RIMS1: variants seen among roughly 807,000 people sequenced by gnomAD.
The protein encoded by RIMS1 is regulating synaptic membrane exocytosis protein 1.
RIMS1 carries 83 observed loss-of-function variants against 214.1 expected under a neutral mutation model. The ratio of observed to expected loss-of-function variants is 0.39; its 90% CI spans 0.32 to 0.47. The LOEUF (loss-of-function observed/expected upper bound fraction) is 0.47. RIMS1 is among the 20% of genes least tolerant of loss of function. The pLI, the probability that RIMS1 is intolerant of heterozygous loss-of-function variation, is 0.99. For synonymous variants in RIMS1, 793 were observed against 786.8 expected (o/e 1.01, Z -0.13); for missense variants, 2,050 against 2,161.8 (o/e 0.95, Z 1.03).
At chr6:71,956,870 T>A (rs1016747916) in intron 1 of RIMS1, among the ~76,000 whole-genome samples, 1 of 152,128 alleles carries the variant, frequency 6.6e-6, no homozygotes, top group Non-Finnish European at 1.5e-5. Flanking sequence ...CCAGGAGAGC[T>A]AATAATGTGA....
chr6:72,242,662 C>T (rs574200374), intron 10 of RIMS1, among the ~76,000 whole-genome samples: 1 of 151,494 alleles, frequency 6.6e-6, no homozygotes, highest in African/African-American at 2.4e-5. Context: ...ATTGTAATAT[C>T]AAAAAATATC....
intron 4 of RIMS1, among the ~76,000 whole-genome samples, chr6:72,138,005 A>G (rs920244307): frequency 1.8e-4 from 27 of 151,920 alleles, no homozygotes; most frequent in Non-Finnish European, 3.8e-4. Context: ...CCAAGTGCTG[A>G]GATTACAGGC....
Position 72,157,626 on chromosome 6 carries a change from A to G in RIMS1, c.472-21949A>G, listed in dbSNP as rs906713775. On this transcript the variant is annotated intron_variant, in intron 4 of 33. Coordinates refer to ENST00000521978, the MANE Select transcript of RIMS1 (RefSeq NM_014989.7). ...TGGTTTTCTTCTGTTTAGTGTTTGT[A>G]TAATATTTCTTTTACTCTATCTTTC... 7.1e-5 allele frequency among the ~76,000 whole-genome samples: 10 copies of G among 139,948 alleles called. 1 individual carries two copies. Among genetic ancestry groups the G allele is most frequent in the African/African-American group, 2.5e-4 (10 of 40,554 alleles). The allele number at this position is 139,948 out of a possible 152,430, so 91.8% of individuals were successfully genotyped here. A position where few individuals can be genotyped will look rare whatever the true frequency, so the allele number is the denominator to read the frequency against.
At chr6:72,288,511 C>T (rs1381580754) in intron 24 of RIMS1, among the ~76,000 whole-genome samples, 15 of 152,198 alleles carry the variant, frequency 9.9e-5, no homozygotes. Flanking sequence ...AAATCTCTAT[C>T]ATTCTTCTTA....
intron 2 of RIMS1, among the ~76,000 whole-genome samples, chr6:72,054,660 C>T (rs2152186148): frequency 6.6e-6 from 1 of 152,190 alleles, no homozygotes; most frequent in African/African-American, 2.4e-5. Flanking sequence ...TTTTGATTTG[C>T]ATTTCTCTAG....
intron 6 of RIMS1, among the ~76,000 whole-genome samples, chr6:72,203,178 G>A (rs964982092): frequency 2.0e-5 from 3 of 151,860 alleles, no homozygotes; most frequent in African/African-American, 4.8e-5. Context: ...TAATAGAGGC[G>A]GGGTTTCACC....
chr6:71,951,122 G>A (rs1163789838), intron 1 of RIMS1, among the ~76,000 whole-genome samples: 1 of 152,172 alleles, frequency 6.6e-6, no homozygotes, highest in Admixed American at 6.5e-5. Context: ...AAGCACATAT[G>A]GAGGTTAAGA....
At chr6:72,004,026 C>G (rs1490188996) in intron 2 of RIMS1, among the ~76,000 whole-genome samples, 1 of 102,696 alleles carries the variant, frequency 9.7e-6, no homozygotes. Flanking sequence ...CCCCTCCCCC[C>G]ACCCCAAAAC....
At chr6:72,163,807 G>GCA (rs2045842047) in intron 4 of RIMS1, among the ~76,000 whole-genome samples, 4 of 96,034 alleles carry the variant, frequency 4.2e-5, no homozygotes, top group Non-Finnish European at 8.3e-5. Flanking sequence ...GCTGGGGGGG[G>GCA]GGGGCCTCCC....
intron 16 of RIMS1, among the ~76,000 whole-genome samples, chr6:72,254,677 C>T (rs187604291): frequency 7.2e-5 from 11 of 152,118 alleles, no homozygotes; most frequent in Non-Finnish European, 1.3e-4. Context: ...TAAATAAATG[C>T]TTGCACAAAT....
intron 9 of RIMS1, 59 bp downstream of exon 9, chr6:72,237,981 G>T (rs966175873): frequency 8.2e-7 from 1 of 1,223,358 alleles, no homozygotes; most frequent in Non-Finnish European, 1.2e-6. Flanking sequence ...ACATGAATTG[G>T]TGGTTTTCAA....
chr6:72,086,205 CG>C (rs1257201402), intron 2 of RIMS1, among the ~76,000 whole-genome samples: 2 of 152,042 alleles, frequency 1.3e-5, no homozygotes, highest in Non-Finnish European at 2.9e-5. Flanking sequence ...TCACAAAAAG[CG>C]TTGAAGGAGA....
chr6:72,399,762 T>C, intron 33 of RIMS1, among the ~76,000 whole-genome samples: 1 of 152,188 alleles, frequency 6.6e-6, no homozygotes, highest in East Asian at 1.9e-4. Flanking sequence ...ACTCTGCTTG[T>C]GTAAAACAGG....
Position 72,183,129 on chromosome 6 carries a change from G to A in RIMS1, c.1658G>A (p.Ser553Asn). The A allele has an allele frequency of 6.3e-7, 1 of 1,592,080 alleles. No homozygotes were observed. Among genetic ancestry groups the A allele is most frequent in the Non-Finnish European group, 8.5e-7 (1 of 1,170,510 alleles). ...AGCTGCGAGGACGTGGAGCTGGAGA[G>A]CGAGAGCGTCAGCGAGAAAGGTAAG... is the stretch of plus-strand genomic sequence containing the variant. ...YTSCEDVELE[S>N]ESVSEKGDLD... is the part of the protein sequence containing the mutation. Residue 553 changes from serine (S) to asparagine (N), a missense_variant, in exon 6 of 34, where the codon AGC becomes AAC. Coordinates refer to ENST00000521978, the MANE Select transcript of RIMS1 (RefSeq NM_014989.7).
chr6:72,348,157 T>G (rs896982793), intron 29 of RIMS1, among the ~76,000 whole-genome samples: 1 of 151,924 alleles, frequency 6.6e-6, no homozygotes, highest in Non-Finnish European at 1.5e-5. Flanking sequence ...TGGTTTGTTA[T>G]TCTTAGGAAA....
chr6:72,233,872 A>T, intron 7 of RIMS1, 32 bp downstream of exon 7: 3 of 1,420,018 alleles, frequency 2.1e-6, no homozygotes, highest in Non-Finnish European at 2.9e-6. Context: ...TTTGGAGTTT[A>T]GGGAATATGT....
At chr6:72,387,343 T>C (rs2154432998) in intron 29 of RIMS1, among the ~76,000 whole-genome samples, 1 of 152,318 alleles carries the variant, frequency 6.6e-6, no homozygotes, top group South Asian at 2.1e-4. Context: ...TAACTGGTGT[T>C]CTATGCAGAT....
chr6:71,962,223 T>C (rs995246336), intron 1 of RIMS1, among the ~76,000 whole-genome samples: 2 of 152,152 alleles, frequency 1.3e-5, no homozygotes, highest in African/African-American at 4.8e-5. Context: ...TTTGAAAAAA[T>C]GGATTTCCAA....
chr6:71,891,447 A>G (rs1325993310), intron 1 of RIMS1, among the ~76,000 whole-genome samples: 1 of 152,184 alleles, frequency 6.6e-6, no homozygotes, highest in Non-Finnish European at 1.5e-5. Flanking sequence ...AGGAGAGAGA[A>G]AGTAGAATGA....
Sources: gnomAD v4.1 joint callset for allele counts (sites outside exome capture counted in the v4.1 genomes callset) on GRCh38, gnomAD v4.1.1 for gene constraint, MANE v1.5 for transcripts, NCBI Gene and HGNC (gene_info 2026-07-23, HGNC 2026-07-21) for gene names.